THRB: variants seen among roughly 807,000 people sequenced by gnomAD.
The protein encoded by THRB is nuclear receptor subfamily 1 group A member 2.
Under a neutral mutation model 47.8 loss-of-function variants are expected in THRB, and 12 were observed. That is an observed-to-expected ratio of 0.25 (90% confidence interval 0.16 to 0.41). The LOEUF (loss-of-function observed/expected upper bound fraction) is 0.41. Ranked by LOEUF, THRB falls within the 10% of genes least tolerant of loss-of-function variation. The pLI is 1.00. For missense variants in THRB, 348 were observed against 589.2 expected (o/e 0.59, Z 4.24); for synonymous variants, 218 against 212.2 (o/e 1.03, Z -0.24).
chr3:24,432,098 C>T (rs566221760), intron 1 of THRB, among the ~76,000 whole-genome samples: 1 of 151,990 alleles, frequency 6.6e-6, no homozygotes, highest in Admixed American at 6.6e-5. Context: ...TATTCTACTT[C>T]CTAAAATGAG....
At chr3:24,349,804 A>T (rs2063253268) in intron 1 of THRB, among the ~76,000 whole-genome samples, 1 of 152,094 alleles carries the variant, frequency 6.6e-6, no homozygotes, top group Non-Finnish European at 1.5e-5. Context: ...CTTAAACAGG[A>T]CACAAACAGC....
intron 1 of THRB, among the ~76,000 whole-genome samples, chr3:24,360,971 G>A (rs2064022083): frequency 6.6e-6 from 1 of 152,144 alleles, no homozygotes; most frequent in South Asian, 2.1e-4. Context: ...TGCAGCCAAG[G>A]TTGAAAACCA....
chr3:24,285,836 C>T (rs1206783485), intron 3 of THRB, among the ~76,000 whole-genome samples: 1 of 152,142 alleles, frequency 6.6e-6, no homozygotes, highest in African/African-American at 2.4e-5. Context: ...ATAATGTTCA[C>T]TTGGAGGGTT....
At chr3:24,335,019 T>C (rs376334365) in intron 2 of THRB, among the ~76,000 whole-genome samples, 1 of 152,202 alleles carries the variant, frequency 6.6e-6, no homozygotes, top group Non-Finnish European at 1.5e-5. Context: ...GCCCAATACC[T>C]AAACAGATAA....
At chr3:24,295,379 T>A (rs1007280045) in intron 3 of THRB, among the ~76,000 whole-genome samples, 2 of 152,190 alleles carry the variant, frequency 1.3e-5, no homozygotes, top group Non-Finnish European at 2.9e-5. Context: ...AGGGCAGGCA[T>A]TTAAATAGGC....
At chr3:24,412,385 C>T (rs4423711) in intron 1 of THRB, among the ~76,000 whole-genome samples, 111,238 of 151,624 alleles carry the variant, frequency 0.73, 41,289 homozygotes, top group African/African-American at 0.83. Context: ...TAAAAAATTA[C>T]AAAGAAGTCA....
In THRB at chr3:24,468,958, A is replaced by T. The variant is rs536737017; in HGVS notation, c.-261+25694T>A. Among the ~76,000 whole-genome samples, 5 of 152,320 alleles carry T rather than the reference A, an allele frequency of 3.3e-5. No individual in the cohort carries two copies. The East Asian group carries it at 9.7e-4, about 29-fold the overall frequency. Reference sequence around the variant, plus strand: ...CACATAGATCTTAATTTATTAAATCAGGGTAAAGCAGGGTTCAATAAAATG... The same window carrying T: ...CACATAGATCTTAATTTATTAAATCTGGGTAAAGCAGGGTTCAATAAAATG... On this transcript the variant is annotated intron_variant, in intron 1 of 10. Transcript: ENST00000646209.
chr3:24,202,954 T>C (rs966718564), intron 4 of THRB, among the ~76,000 whole-genome samples: 2 of 152,210 alleles, frequency 1.3e-5, no homozygotes, highest in African/African-American at 4.8e-5. Flanking sequence ...GGAATCTTCC[T>C]CAGGATGGGT....
At chr3:24,375,390 ATTATAG>A (rs2065204171) in intron 1 of THRB, among the ~76,000 whole-genome samples, 1 of 138,056 alleles carries the variant, frequency 7.2e-6, no homozygotes, top group African/African-American at 2.5e-5. Flanking sequence ...ATATTAATAT[ATTATAG>A]TTAGACATAT....
intron 3 of THRB, among the ~76,000 whole-genome samples, chr3:24,266,864 A>G (rs533562931): frequency 2.0e-4 from 30 of 152,120 alleles, no homozygotes; most frequent in African/African-American, 6.7e-4. Context: ...ACATGAACCT[A>G]TGGATGGAGG....
At chr3:24,232,765 T>TGGA (rs2048380029) in intron 3 of THRB, among the ~76,000 whole-genome samples, 1 of 151,794 alleles carries the variant, frequency 6.6e-6, no homozygotes, top group Non-Finnish European at 1.5e-5. Flanking sequence ...GGAACTTGAG[T>TGGA]GGAGGTGGTG....
Position 24,310,822 on chromosome 3 carries a change from A to C in THRB, c.-188-13451T>G, listed in dbSNP as rs556162641. On this transcript the variant is annotated intron_variant, in intron 2 of 10. Coordinates refer to ENST00000646209, the MANE Select transcript of THRB (RefSeq NM_001354712.2). Reference sequence around the variant, plus strand: ...ATGCACAGGACATTCCCCACCACAAATAATTATCTGGTCCAAAATGTCAAT... The same window carrying C: ...ATGCACAGGACATTCCCCACCACAACTAATTATCTGGTCCAAAATGTCAAT... Among the ~76,000 whole-genome samples, 170 of 152,280 alleles carry C rather than the reference A, an allele frequency of 1.1e-3. 1 individual carries two copies. The highest frequency in any genetic ancestry group is 2.1e-3 in the Non-Finnish European group (143 of 68,028).
intron 10 of THRB, among the ~76,000 whole-genome samples, chr3:24,127,045 G>A (rs947171401): frequency 5.3e-5 from 8 of 152,160 alleles, no homozygotes; most frequent in East Asian, 1.9e-4. Flanking sequence ...GTTTTGGGTC[G>A]GTGTGCTATT....
chr3:24,352,141 A>T (rs2063395708), intron 1 of THRB, among the ~76,000 whole-genome samples: 1 of 152,148 alleles, frequency 6.6e-6, no homozygotes, highest in African/African-American at 2.4e-5. Flanking sequence ...GCTAGCAAAC[A>T]TGTTGGAAGG....
At chr3:24,452,066 G>A (rs2072716829) in intron 1 of THRB, among the ~76,000 whole-genome samples, 1 of 152,140 alleles carries the variant, frequency 6.6e-6, no homozygotes, top group Non-Finnish European at 1.5e-5. Flanking sequence ...CTAGCCCTTA[G>A]CTAACAACTA....
chr3:24,426,010 T>A, intron 1 of THRB, among the ~76,000 whole-genome samples: 1 of 151,942 alleles, frequency 6.6e-6, no homozygotes, highest in East Asian at 1.9e-4. Context: ...ATCCCTCTGG[T>A]CCTTACTTTC....
chr3:24,266,093 G>A (rs1417052879), intron 3 of THRB, among the ~76,000 whole-genome samples: 2 of 152,178 alleles, frequency 1.3e-5, no homozygotes, highest in Non-Finnish European at 2.9e-5. Flanking sequence ...GTTTAGTACT[G>A]CATTTTGTAT....
intron 3 of THRB, among the ~76,000 whole-genome samples, chr3:24,248,006 C>T (rs1239737490): frequency 6.6e-6 from 1 of 152,108 alleles, no homozygotes; most frequent in African/African-American, 2.4e-5. Context: ...ATGGCCAACC[C>T]TGTATCAGTG....
intron 1 of THRB, among the ~76,000 whole-genome samples, chr3:24,453,063 C>T (rs1474870609): frequency 6.6e-6 from 1 of 152,152 alleles, no homozygotes; most frequent in Non-Finnish European, 1.5e-5. Context: ...CCAGTTTCCT[C>T]CATCTCAGGC....
Sources: allele counts gnomAD v4.1 joint callset (sites outside exome capture counted in the v4.1 genomes callset), GRCh38; gene constraint gnomAD v4.1.1; transcripts MANE v1.5; gene names NCBI Gene and HGNC (gene_info 2026-07-23, HGNC 2026-07-21).